ROBO2: variants seen among roughly 807,000 people sequenced by gnomAD.
ROBO2 encodes the protein roundabout homolog 2.
Under a neutral mutation model 160.8 loss-of-function variants are expected in ROBO2, and 53 were observed. The ratio of observed to expected loss-of-function variants is 0.33; its 90% CI spans 0.26 to 0.41. The LOEUF (loss-of-function observed/expected upper bound fraction) is 0.41. ROBO2 is among the 10% of genes least tolerant of loss of function. The pLI is 1.00. For missense variants in ROBO2, 1,577 were observed against 1,722.4 expected (o/e 0.92, Z 1.49); for synonymous variants, 664 against 611.7 (o/e 1.09, Z -1.26).
chr3:76,693,514 T>G (rs1324172842), intron 2 of ROBO2, among the ~76,000 whole-genome samples: 1 of 151,874 alleles, frequency 6.6e-6, no homozygotes, highest in Non-Finnish European at 1.5e-5. Context: ...TGAAATTCTT[T>G]GTGGAAATTT....
chr3:77,420,256 CTT>C (rs5850330), intron 2 of ROBO2, among the ~76,000 whole-genome samples: 5,807 of 148,326 alleles, frequency 0.039, 385 homozygotes, highest in African/African-American at 0.13. Flanking sequence ...TTACAGATGA[CTT>C]TTTTTTTTTT....
chr3:77,274,303 G>C (rs1278985474), intron 2 of ROBO2, among the ~76,000 whole-genome samples: 1 of 152,020 alleles, frequency 6.6e-6, no homozygotes, highest in Non-Finnish European at 1.5e-5. Context: ...AAATAACTTG[G>C]CATGATTCTT....
intron 2 of ROBO2, among the ~76,000 whole-genome samples, chr3:76,964,213 T>C (rs137887852): frequency 2.0e-5 from 3 of 152,318 alleles, no homozygotes; most frequent in Non-Finnish European, 4.4e-5. Flanking sequence ...GGGAAAAATG[T>C]GGATAGTACT....
intron 2 of ROBO2, among the ~76,000 whole-genome samples, chr3:77,335,755 A>G (rs1156767983): frequency 6.6e-6 from 1 of 152,216 alleles, no homozygotes. Flanking sequence ...AATAATTTAT[A>G]GTGATTTATG....
intron 2 of ROBO2, among the ~76,000 whole-genome samples, chr3:77,386,603 A>ATTGTTTTTTTTTTTTTTTTTTTTTTT (rs2074125593): frequency 2.2e-5 from 2 of 91,896 alleles, no homozygotes; most frequent in Admixed American, 1.6e-4. Context: ...CAGCCAGGTA[A>ATTGTTTTTTTTTTTTTTTTTTTTTTT]TTTTTTTTTT....
intron 2 of ROBO2, among the ~76,000 whole-genome samples, chr3:76,719,479 G>T (rs796958846): frequency 4.6e-5 from 7 of 152,226 alleles, no homozygotes; most frequent in African/African-American, 1.7e-4. Context: ...AGCACTACAG[G>T]CTCACACCAC....
chr3:77,282,696 A>G (rs1319410310), intron 2 of ROBO2, among the ~76,000 whole-genome samples: 1 of 152,130 alleles, frequency 6.6e-6, no homozygotes, highest in Non-Finnish European at 1.5e-5. Flanking sequence ...ATCTGCACAA[A>G]GTCATAAATT....
chr3:76,535,792 G>C (rs978003529), intron 2 of ROBO2, among the ~76,000 whole-genome samples: 2 of 152,086 alleles, frequency 1.3e-5, no homozygotes, highest in Non-Finnish European at 2.9e-5. Context: ...AGGTAATGTG[G>C]AGTGGGTAGC....
intron 2 of ROBO2, among the ~76,000 whole-genome samples, chr3:76,170,912 T>G (rs925894801): frequency 6.6e-6 from 1 of 152,192 alleles, no homozygotes; most frequent in Non-Finnish European, 1.5e-5. Flanking sequence ...TCTACACTAA[T>G]ACAGTGATCA....
intron 5 of ROBO2, among the ~76,000 whole-genome samples, chr3:77,504,284 C>A (rs892934148): frequency 6.6e-6 from 1 of 152,064 alleles, no homozygotes; most frequent in Admixed American, 6.6e-5. Context: ...ACATTTGAAA[C>A]CTTTATAAAG....
intron 2 of ROBO2, among the ~76,000 whole-genome samples, chr3:77,408,834 C>T (rs2076467557): frequency 6.6e-6 from 1 of 152,000 alleles, no homozygotes; most frequent in African/African-American, 2.4e-5. Context: ...AAGGGATCTT[C>T]CTGCCTCAGC....
chr3:76,707,802 T>G (rs1399267922), intron 2 of ROBO2, among the ~76,000 whole-genome samples: 1 of 149,990 alleles, frequency 6.7e-6, no homozygotes, highest in Non-Finnish European at 1.5e-5. Context: ...TCAAGACAAT[T>G]TCTCCAGACC....
chr3:76,213,972 C>G (rs999030136), intron 2 of ROBO2, among the ~76,000 whole-genome samples: 5 of 152,122 alleles, frequency 3.3e-5, no homozygotes, highest in Non-Finnish European at 5.9e-5. Context: ...TGGATCTTCT[C>G]TACTCGGTCT....
chr3:76,601,703 A>G (rs1463610623), intron 2 of ROBO2, among the ~76,000 whole-genome samples: 1 of 152,156 alleles, frequency 6.6e-6, no homozygotes, highest in Non-Finnish European at 1.5e-5. Flanking sequence ...CCTGTGATTG[A>G]AGGGGTTGCT....
Position 77,574,497 on chromosome 3 carries a change from A to T in ROBO2, c.1972-2A>T. On this transcript the variant is annotated splice_acceptor_variant, in intron 13 of 25. Coordinates refer to ENST00000461745, the Ensembl canonical transcript of ROBO2. LOFTEE classifies it high-confidence loss of function. ...TCAAATGCCCTTAACTATGTTTTTC[A>T]GGTTGATCGCCAACCCCAGTTTATC... The T allele has an allele frequency of 6.2e-7, 1 of 1,612,266 alleles. No individual in the cohort carries two copies. The highest frequency in any genetic ancestry group is 8.5e-7 in the Non-Finnish European group (1 of 1,178,626).
At chr3:76,200,381 G>A (rs1044662670) in intron 2 of ROBO2, among the ~76,000 whole-genome samples, 8 of 152,062 alleles carry the variant, frequency 5.3e-5, no homozygotes, top group African/African-American at 1.9e-4. Flanking sequence ...AAATCACTTT[G>A]TAAATGGAAA....
At chr3:76,229,283 T>G (rs1375193839) in intron 2 of ROBO2, among the ~76,000 whole-genome samples, 1 of 152,182 alleles carries the variant, frequency 6.6e-6, no homozygotes, top group Non-Finnish European at 1.5e-5. Flanking sequence ...TTGCAATATT[T>G]TATTGTAAGT....
At chr3:77,505,596 A>T (rs537274496) in intron 5 of ROBO2, among the ~76,000 whole-genome samples, 1 of 152,196 alleles carries the variant, frequency 6.6e-6, no homozygotes, top group Non-Finnish European at 1.5e-5. Flanking sequence ...GACCAAATCA[A>T]CTATGATATG....
intron 2 of ROBO2, among the ~76,000 whole-genome samples, chr3:76,262,725 C>T (rs569604716): frequency 2.6e-5 from 4 of 152,142 alleles, no homozygotes; most frequent in African/African-American, 7.2e-5. Flanking sequence ...GCTCTAAAAA[C>T]GTATTACAAA....
Sources: gnomAD v4.1 joint callset for allele counts (sites outside exome capture counted in the v4.1 genomes callset) on GRCh38, gnomAD v4.1.1 for gene constraint, MANE v1.5 for transcripts, NCBI Gene and HGNC (gene_info 2026-07-23, HGNC 2026-07-21) for gene names.